Variants in DCDC1 observed in about 807,000 individuals in gnomAD.
The protein encoded by DCDC1 is doublecortin domain containing 1.
A neutral mutation model predicts 178.3 loss-of-function variants in DCDC1; 200 were observed. The observed-to-expected ratio is 1.12, with a 90% confidence interval of 1.00 to 1.26. The LOEUF is 1.26. Among genes scored for constraint, DCDC1 ranks in the 50% most tolerant of loss-of-function variants. The probability of loss-of-function intolerance (pLI) is 0.00; values close to 1 mark genes in which losing one functional copy is unlikely to be tolerated. For missense variants in DCDC1, 1,983 were observed against 1,749.2 expected (o/e 1.13, Z -2.38); for synonymous variants, 690 against 604.8 (o/e 1.14, Z -2.07).
rs542939319 is a variant in DCDC1, at chr11:30,894,106, A to T, written c.4902+142T>A. ...CAGCTACTCTCCAAATGCCAACTCA[A>T]TGCTTGGCATATGCTTATATGGTCA... On this transcript the variant is annotated intron_variant, in intron 35 of 38. Coordinates refer to ENST00000684477, the MANE Select transcript of DCDC1 (RefSeq NM_001387274.1). 4 of 1,174,676 alleles carry T rather than the reference A, an allele frequency of 3.4e-6. No homozygotes were observed. In the East Asian group the frequency reaches 8.7e-5, roughly 26 times the overall value. The allele number at this position is 1,174,676 out of a possible 1,614,324, so 72.8% of individuals were successfully genotyped here. A position where few individuals can be genotyped will look rare whatever the true frequency, so the allele number is the denominator to read the frequency against.
intron 21 of DCDC1, among the ~76,000 whole-genome samples, chr11:30,937,402 G>A (rs1208205263): frequency 6.6e-6 from 1 of 152,050 alleles, no homozygotes; most frequent in Non-Finnish European, 1.5e-5. Flanking sequence ...GACTCCCCCA[G>A]TCCTCATCAA....
chr11:30,888,098 AAAAG>A (rs59770180), intron 36 of DCDC1, among the ~76,000 whole-genome samples: 17,487 of 104,374 alleles, frequency 0.17, 1,633 homozygotes, highest in South Asian at 0.2. Context: ...GAAAGAAAGA[AAAAG>A]AAAGAAAGAA....
At position 30,878,592 on chromosome 11, in the gene DCDC1, G is replaced by C; in HGVS notation, c.5353C>G (p.His1785Asp). The change falls in exon 38 of 39, where the codon CAC (histidine) becomes GAC (aspartate). Residue 1785 changes from histidine to aspartate, a missense_variant. Transcript: ENST00000684477. ...STKLLSLAHLHN is the reference protein window; with the variant it reads ...STKLLSLAHLDN The stretch of plus-strand genomic sequence containing the variant: ...GATGGTTCTGATAGGAGTTAATTGT[G>C]GAGATGTGCCAGAGACAGCAGCTTC... 6.2e-7 allele frequency: 1 copy of C among 1,601,212 alleles called. No homozygotes were observed. Among genetic ancestry groups the C allele is most frequent in the Non-Finnish European group, 8.5e-7 (1 of 1,175,806 alleles).
intron 33 of DCDC1, among the ~76,000 whole-genome samples, chr11:30,900,036 A>T (rs1023634049): frequency 1.3e-5 from 2 of 151,780 alleles, no homozygotes; most frequent in African/African-American, 4.8e-5. Context: ...TGTGAATTAA[A>T]CTCATTTGTT....
chr11:31,192,020 A>G (rs921772107), intron 9 of DCDC1, among the ~76,000 whole-genome samples: 3 of 152,030 alleles, frequency 2.0e-5, no homozygotes, highest in African/African-American at 7.2e-5. Context: ...AAATGGCACA[A>G]TCTTATCATA....
At chr11:30,926,350 A>G (rs1031001151) in intron 22 of DCDC1, among the ~76,000 whole-genome samples, 1 of 152,194 alleles carries the variant, frequency 6.6e-6, no homozygotes, top group Non-Finnish European at 1.5e-5. Flanking sequence ...AGACTGAGGA[A>G]CCTGCCTTCT....
At chr11:30,892,788 T>A (rs1400268964) in intron 36 of DCDC1, 30 bp downstream of exon 36, 1 of 1,612,910 alleles carries the variant, frequency 6.2e-7, no homozygotes, top group East Asian at 2.2e-5. Flanking sequence ...AACTCAGGCC[T>A]ATGAAACACT....
At chr11:31,155,903 A>C (rs1247599102) in intron 9 of DCDC1, 3 of 152,166 alleles carry the variant, frequency 2.0e-5, no homozygotes, top group Non-Finnish European at 4.4e-5. Flanking sequence ...AAAAATCATT[A>C]TTGTCATTTT....
intron 20 of DCDC1, among the ~76,000 whole-genome samples, chr11:30,959,426 T>C (rs1393297557): frequency 6.6e-6 from 1 of 152,054 alleles, no homozygotes; most frequent in Non-Finnish European, 1.5e-5. Flanking sequence ...GCGACCACTG[T>C]AGTCACTTCG....
At chr11:31,267,454 A>G (rs569195037) in intron 7 of DCDC1, among the ~76,000 whole-genome samples, 34 of 152,278 alleles carry the variant, frequency 2.2e-4, no homozygotes, top group Non-Finnish European at 1.3e-4. Flanking sequence ...AGCCTCCCAA[A>G]TTGCTAGGAT....
chr11:30,967,775 T>C (rs1416997827), intron 20 of DCDC1, among the ~76,000 whole-genome samples: 1 of 152,122 alleles, frequency 6.6e-6, no homozygotes, highest in Non-Finnish European at 1.5e-5. Context: ...CTATAGATAG[T>C]CTATTATGAG....
At chr11:31,073,229 A>G (rs1565248527) in intron 18 of DCDC1, among the ~76,000 whole-genome samples, 2 of 152,206 alleles carry the variant, frequency 1.3e-5, no homozygotes, top group African/African-American at 4.8e-5. Flanking sequence ...TAGAAACAAA[A>G]CCTTGAAAAT....
At chr11:31,029,090 T>G (rs1436560636) in intron 20 of DCDC1, among the ~76,000 whole-genome samples, 1 of 152,078 alleles carries the variant, frequency 6.6e-6, no homozygotes, top group African/African-American at 2.4e-5. Context: ...AAATTTGGAT[T>G]CTTTTCCTGT....
At position 30,878,294 on chromosome 11, in the gene DCDC1, A is replaced by T. The variant is rs1047643009; in HGVS notation, c.*40+250T>A. 2.0e-5 allele frequency among the ~76,000 whole-genome samples: 3 copies of T among 152,082 alleles called. No homozygotes were observed. The East Asian group carries it at 5.8e-4, about 29-fold the overall frequency. Reference sequence around the variant, plus strand: ...AAGGCAAAACCCCATCTCTAAAAAAAATATAAATATTAGCTGGGTGTAGTG... The same window carrying T: ...AAGGCAAAACCCCATCTCTAAAAAATATATAAATATTAGCTGGGTGTAGTG... On this transcript the variant is annotated intron_variant, in intron 38 of 38. Coordinates refer to ENST00000684477, the MANE Select transcript of DCDC1 (RefSeq NM_001387274.1).
intron 36 of DCDC1, among the ~76,000 whole-genome samples, chr11:30,892,454 C>A (rs1943865838): frequency 6.6e-6 from 1 of 151,876 alleles, no homozygotes; most frequent in Admixed American, 6.6e-5. Context: ...GCCTGGGTGA[C>A]AGAGTGAGAC....
rs61879874 is a variant in DCDC1 at position 31,274,750 on chromosome 11, G to C, written c.961-9150C>G. ...GAGTCTCACTCTGTCAGCCAGGCTGGAGTGCAATGGCATGGTCTCTGCTCA... is the reference window on the plus strand; with the variant it reads ...GAGTCTCACTCTGTCAGCCAGGCTGCAGTGCAATGGCATGGTCTCTGCTCA... On this transcript the variant is annotated intron_variant, in intron 7 of 38. Coordinates refer to ENST00000684477, the MANE Select transcript of DCDC1 (RefSeq NM_001387274.1). Among the ~76,000 whole-genome samples, 1,256 of 150,234 alleles carry C rather than the reference G, an allele frequency of 8.4e-3. 7 individuals are homozygous for C. The highest frequency in any genetic ancestry group is 0.013 in the Non-Finnish European group (869 of 67,838).
At chr11:31,018,169 C>T (rs1219652183) in intron 20 of DCDC1, among the ~76,000 whole-genome samples, 1 of 151,982 alleles carries the variant, frequency 6.6e-6, no homozygotes, top group East Asian at 1.9e-4. Context: ...AGCTCACCAC[C>T]AATTATGTAA....
intron 20 of DCDC1, among the ~76,000 whole-genome samples, chr11:31,003,800 G>A (rs911923405): frequency 1.1e-4 from 17 of 152,206 alleles, no homozygotes; most frequent in Admixed American, 9.8e-4. Context: ...TAAACAGGGA[G>A]GGACAGGATG....
chr11:31,257,494 G>A (rs1358158476), intron 8 of DCDC1, among the ~76,000 whole-genome samples: 2 of 151,358 alleles, frequency 1.3e-5, no homozygotes, highest in South Asian at 2.1e-4. Context: ...ATTACAAATC[G>A]AGGAATCGGA....
Sources: gnomAD v4.1 joint callset for allele counts (sites outside exome capture counted in the v4.1 genomes callset) on GRCh38, gnomAD v4.1.1 for gene constraint, MANE v1.5 for transcripts, NCBI Gene and HGNC (gene_info 2026-07-23, HGNC 2026-07-21) for gene names.